The following C2CD2 variants were observed in gnomAD, a reference collection of about 807,000 sequenced individuals.
The protein encoded by C2CD2 is C2 calcium dependent domain containing 2, also known as C2 domain-containing protein 2.
C2CD2 carries 43 observed loss-of-function variants against 74.3 expected under a neutral mutation model. The observed-to-expected ratio is 0.58, with a 90% confidence interval of 0.45 to 0.75. The LOEUF (loss-of-function observed/expected upper bound fraction) is 0.75, where lower values mean the gene tolerates loss of function less well. Ranked by LOEUF, C2CD2 falls within the 30% of genes least tolerant of loss-of-function variation. The probability of loss-of-function intolerance (pLI) is 0.00; values close to 1 mark genes in which losing one functional copy is unlikely to be tolerated. For synonymous variants in C2CD2, 422 were observed against 390.7 expected, an observed-to-expected ratio of 1.08 and a Z score of -0.94; for missense variants, 801 against 916.3, an observed-to-expected ratio of 0.87 and a Z score of 1.63.
intron 1 of C2CD2, among the ~76,000 whole-genome samples, chr21:41,951,774 T>G (rs2065452591): frequency 1.3e-5 from 2 of 152,180 alleles, no homozygotes; most frequent in Admixed American, 1.3e-4. Flanking sequence ...AAGGATCATA[T>G]CCAAGAGGAT....
intron 3 of C2CD2, 40 bp from the exon 4 acceptor site, chr21:41,919,000 C>A: frequency 6.8e-7 from 1 of 1,471,520 alleles, no homozygotes; most frequent in South Asian, 1.1e-5. Flanking sequence ...CTCTTTCCAC[C>A]AAAGCCTTAA....
chr21:41,924,447 G>A lies in C2CD2; in HGVS notation c.379-2362C>T, dbSNP rs1001803027. Among the ~76,000 whole-genome samples, 5 of 152,202 alleles carry A rather than the reference G, an allele frequency of 3.3e-5. No homozygotes were observed. Among genetic ancestry groups the A allele is most frequent in the East Asian group, 1.9e-4 (1 of 5,204 alleles). On this transcript the variant is annotated intron_variant, in intron 2 of 13. Transcript: ENST00000380486. This position sits in a 1 kb window ranked among gnomAD's most constrained non-coding sequence, Gnocchi z 4.4. ...TTTCTACCGGTTCTTATAACGCCAC[G>A]TTCAGAAGACTGATACACATGAGTT...
chr21:41,915,048 T>C (rs73363179), intron 5 of C2CD2, among the ~76,000 whole-genome samples: 7,218 of 152,014 alleles, frequency 0.047, 551 homozygotes, highest in African/African-American at 0.16. Flanking sequence ...TTGCCATGGG[T>C]CTAAACTATC....
chr21:41,894,198 C>T (rs2064793346), intron 13 of C2CD2, among the ~76,000 whole-genome samples: 1 of 152,220 alleles, frequency 6.6e-6, no homozygotes, highest in Admixed American at 6.5e-5. Context: ...CTGAGGTTTG[C>T]AGTTCTGTAG....
At chr21:41,918,588 G>C (rs753072743) in intron 4 of C2CD2, among the ~76,000 whole-genome samples, 3 of 152,118 alleles carry the variant, frequency 2.0e-5, no homozygotes, top group Non-Finnish European at 4.4e-5. Context: ...AAGGCTTCAG[G>C]GTTTTTTTTT....
chr21:41,907,599 G>T, intron 9 of C2CD2, 61 bp downstream of exon 9: 1 of 1,567,598 alleles, frequency 6.4e-7, no homozygotes, highest in Non-Finnish European at 8.6e-7. Flanking sequence ...CATAAGTGAA[G>T]ACGCTCCTTG....
rs1039885619 is a variant in C2CD2, at chr21:41,923,077, C to A, written c.379-992G>T. Among the ~76,000 whole-genome samples the A allele has an allele frequency of 6.6e-6, 1 of 151,844 alleles. No homozygotes were observed. Among genetic ancestry groups the A allele is most frequent in the African/African-American group, 2.4e-5 (1 of 41,318 alleles). On this transcript the variant is annotated intron_variant, in intron 2 of 13. Coordinates refer to ENST00000380486, the MANE Select transcript of C2CD2 (RefSeq NM_015500.2). This position sits in a 1 kb window ranked among gnomAD's most constrained non-coding sequence, Gnocchi z 5.8. ...GTGGCACAATCTTAGCTCACTGCAA[C>A]CTCCGCCTCCCGGGTTCACACGATT...
chr21:41,939,694 G>A lies in C2CD2; in HGVS notation c.378+2453C>T, dbSNP rs1370223011. On this transcript the variant is annotated intron_variant, in intron 2 of 13. Transcript: ENST00000380486. The surrounding 1 kb of genome is among the most constrained non-coding windows in gnomAD (Gnocchi z 5.5). ...TCCTGCAACCCCAGTACTTTCCAGT[G>A]ACTTCCTCACACTACTTACAAGGAT... Among the ~76,000 whole-genome samples the A allele has an allele frequency of 1.3e-5, 2 of 152,192 alleles. No individual in the cohort carries two copies. Among genetic ancestry groups the A allele is most frequent in the Non-Finnish European group, 2.9e-5 (2 of 68,032 alleles).
At chr21:41,909,991 A>G (rs2065007672) in intron 7 of C2CD2, among the ~76,000 whole-genome samples, 1 of 112,410 alleles carries the variant, frequency 8.9e-6, no homozygotes, top group African/African-American at 3.7e-5. Flanking sequence ...TTTCATTACA[A>G]AGGCATTAAA....
intron 2 of C2CD2, among the ~76,000 whole-genome samples, chr21:41,928,687 GC>G (rs1037774516): frequency 6.6e-6 from 1 of 151,624 alleles, no homozygotes; most frequent in African/African-American, 2.4e-5. Flanking sequence ...GCAGGGGACC[GC>G]CCCCCACCCC....
intron 1 of C2CD2, among the ~76,000 whole-genome samples, chr21:41,950,021 G>C (rs2065437108): frequency 6.6e-6 from 1 of 151,976 alleles, no homozygotes. Flanking sequence ...ATAGCACTAG[G>C]ACAAATACCT....
chr21:41,898,254 G>A (rs1439924504), intron 13 of C2CD2, among the ~76,000 whole-genome samples: 1 of 152,186 alleles, frequency 6.6e-6, no homozygotes, highest in African/African-American at 2.4e-5. Flanking sequence ...CCTGTCTTCT[G>A]CACCAAGATG....
At chr21:41,905,683 A>G in intron 11 of C2CD2, 41 bp downstream of exon 11, 1 of 1,035,386 alleles carries the variant, frequency 9.7e-7, no homozygotes, top group Non-Finnish European at 1.5e-6. Flanking sequence ...AAAGGCCCAA[A>G]GGTGCTAAGA....
chr21:41,919,798 C>G (rs531765835), intron 3 of C2CD2, among the ~76,000 whole-genome samples: 1 of 152,134 alleles, frequency 6.6e-6, no homozygotes, highest in Non-Finnish European at 1.5e-5. Flanking sequence ...AGATGTTCAC[C>G]CCCTAATCCC....
chr21:41,917,852 A>C (rs2065109887), intron 5 of C2CD2, among the ~76,000 whole-genome samples: 1 of 152,114 alleles, frequency 6.6e-6, no homozygotes, highest in Non-Finnish European at 1.5e-5. Context: ...TCCTGGAAAG[A>C]TGAGGTCTAG....
At chr21:41,927,846 A>C (rs1310971305) in intron 2 of C2CD2, among the ~76,000 whole-genome samples, 1 of 152,206 alleles carries the variant, frequency 6.6e-6, no homozygotes, top group Admixed American at 6.5e-5. Flanking sequence ...GCCAACCCCA[A>C]GAGCTGCTGT....
In C2CD2 at chr21:41,903,830, G is replaced by T. The variant is rs1452671668; in HGVS notation, c.1432+1894C>A. ...ACCCACAGTGGGAACATCAGCCTAG[G>T]TCTTTTAAGAGGGATCCTGCCCACG... On this transcript the variant is annotated intron_variant, in intron 11 of 13. Coordinates refer to ENST00000380486, the MANE Select transcript of C2CD2 (RefSeq NM_015500.2). The surrounding 1 kb of genome is among the most constrained non-coding windows in gnomAD (Gnocchi z 4.5). 2.0e-5 allele frequency among the ~76,000 whole-genome samples: 3 copies of T among 152,158 alleles called. No homozygotes were observed. The highest frequency in any genetic ancestry group is 7.2e-5 in the African/African-American group (3 of 41,444).
chr21:41,906,206 A>C (rs984957447), intron 10 of C2CD2, among the ~76,000 whole-genome samples: 1 of 152,230 alleles, frequency 6.6e-6, no homozygotes, highest in African/African-American at 2.4e-5. Context: ...CTGTGGAGAC[A>C]GGTACAGAAT....
In C2CD2 at chr21:41,895,264, T is replaced by C. The variant is rs1007576652; in HGVS notation, c.1870+3789A>G. On this transcript the variant is annotated intron_variant, in intron 13 of 13. Transcript: ENST00000380486. This position sits in a 1 kb window ranked among gnomAD's most constrained non-coding sequence, Gnocchi z 5.0. ...CAGACCTGTCAATCTCATGAGTCAG[T>C]TCCTTAAATATGTAACCTATGGGTT... Among the ~76,000 whole-genome samples, 4 of 152,174 alleles carry C rather than the reference T, an allele frequency of 2.6e-5. No individual in the cohort carries two copies. The highest frequency in any genetic ancestry group is 5.9e-5 in the Non-Finnish European group (4 of 68,032).
Sources: gnomAD v4.1 joint callset for allele counts (sites outside exome capture counted in the v4.1 genomes callset) on GRCh38, gnomAD v4.1.1 for gene constraint, Gnocchi (gnomAD v3.1) non-coding constraint, MANE v1.5 for transcripts, NCBI Gene and HGNC (gene_info 2026-07-23, HGNC 2026-07-21) for gene names.